SNX13: variants seen among roughly 807,000 people sequenced by gnomAD.
The protein encoded by SNX13 is sorting nexin-13.
Under a neutral mutation model 133.6 loss-of-function variants are expected in SNX13, and 45 were observed. The ratio of observed to expected loss-of-function variants is 0.34; its 90% CI spans 0.27 to 0.43. SNX13 has a LOEUF of 0.43. Among genes scored for constraint, SNX13 ranks in the 20% least tolerant of loss-of-function variants. The pLI is 1.00. For missense variants in SNX13, 1,032 were observed against 1,145.1 expected (o/e 0.90, Z 1.43); for synonymous variants, 414 against 373.9 (o/e 1.11, Z -1.24).
At chr7:17,904,843 C>T (rs572847970) in intron 1 of SNX13, among the ~76,000 whole-genome samples, 19 of 152,154 alleles carry the variant, frequency 1.2e-4, no homozygotes, top group Non-Finnish European at 2.2e-4. Flanking sequence ...ATAAGTTGAA[C>T]GTTCTTCTCC....
intron 12 of SNX13, among the ~76,000 whole-genome samples, chr7:17,845,054 T>C (rs1463430080): frequency 6.6e-6 from 1 of 152,000 alleles, no homozygotes; most frequent in Non-Finnish European, 1.5e-5. Flanking sequence ...TGTTTGCCAC[T>C]TCGTTTCAAC....
chr7:17,799,209 G>A, intron 22 of SNX13, 55 bp from the exon 23 acceptor site: 1 of 1,396,490 alleles, frequency 7.2e-7, no homozygotes, highest in Admixed American at 2.4e-5. Flanking sequence ...ACTATGAATT[G>A]TTACTTTTGT....
At chr7:17,803,333 G>C (rs867597405) in intron 21 of SNX13, 86 bp downstream of exon 21, 4 of 1,252,152 alleles carry the variant, frequency 3.2e-6, no homozygotes, top group Admixed American at 2.6e-5. Context: ...AAGGTTAAGG[G>C]ACTAAGGTAA....
intron 1 of SNX13, among the ~76,000 whole-genome samples, chr7:17,911,823 TAAG>T (rs1173846695): frequency 1.3e-5 from 2 of 151,944 alleles, no homozygotes; most frequent in Admixed American, 1.3e-4. Context: ...CAAAAATAAA[TAAG>T]TAGATTTTTT....
chr7:17,868,134 T>C (rs987098422), intron 9 of SNX13: 6 of 329,194 alleles, frequency 1.8e-5, no homozygotes, highest in Non-Finnish European at 3.3e-5. Context: ...TCATCATCTA[T>C]AGACACAGGT....
intron 12 of SNX13, among the ~76,000 whole-genome samples, chr7:17,844,073 T>C (rs575500081): frequency 9.9e-5 from 15 of 151,608 alleles, no homozygotes; most frequent in Admixed American, 6.6e-4. Flanking sequence ...CAGTAAAGAT[T>C]AGAGCAGAGA....
intron 18 of SNX13, among the ~76,000 whole-genome samples, chr7:17,816,676 C>T (rs1472711330): frequency 1.3e-5 from 2 of 151,884 alleles, no homozygotes; most frequent in Non-Finnish European, 2.9e-5. Flanking sequence ...AAAACAACAA[C>T]AACAACAACA....
At chr7:17,807,302 G>A (rs1376990970) in intron 20 of SNX13, among the ~76,000 whole-genome samples, 1 of 151,948 alleles carries the variant, frequency 6.6e-6, no homozygotes, top group Non-Finnish European at 1.5e-5. Flanking sequence ...GGGGGGAGGG[G>A]CCCCCACTAA....
intron 13 of SNX13, among the ~76,000 whole-genome samples, chr7:17,836,247 T>C (rs1789118181): frequency 6.6e-6 from 1 of 152,042 alleles, no homozygotes; most frequent in South Asian, 2.1e-4. Context: ...CCAGGCATGA[T>C]AGCTCATGCT....
intron 16 of SNX13, among the ~76,000 whole-genome samples, chr7:17,827,981 T>TTAA (rs1368470835): frequency 6.6e-6 from 1 of 151,768 alleles, no homozygotes; most frequent in Admixed American, 6.6e-5. Context: ...AAAAGCATTA[T>TTAA]TAATAATGGT....
chr7:17,857,840 G>T (rs1792112761), intron 9 of SNX13, among the ~76,000 whole-genome samples: 1 of 152,104 alleles, frequency 6.6e-6, no homozygotes. Flanking sequence ...GATTAAGTGG[G>T]TGGGATTCAT....
chr7:17,801,032 A>ATATATG (rs1554302653), intron 22 of SNX13, among the ~76,000 whole-genome samples: 1 of 19,858 alleles, frequency 5.0e-5, no homozygotes, highest in African/African-American at 1.5e-4. Context: ...ATATATATAT[A>ATATATG]TATATATATA....
Position 17,890,427 on chromosome 7 carries a change from C to T in SNX13, c.376G>A (p.Asp126Asn), listed in dbSNP as rs757888247. The T allele has an allele frequency of 3.2e-5, 52 of 1,610,654 alleles. No individual in the cohort carries two copies. In the Admixed American group the frequency reaches 3.8e-4, roughly 12 times the overall value. The change falls in exon 5 of 26, where the codon GAT becomes AAT. Residue 126 changes from aspartate (D) to asparagine (N), a missense_variant. Coordinates refer to ENST00000428135, the MANE Select transcript of SNX13 (RefSeq NM_015132.5). ...CTAATTTCAAGAAGAAAAGATTCAT[C>T]ATCGCTTAGTGTATAATACCAATAC... ...VQYWYYTLSD[D>N]ESFLLEIRQT...
At chr7:17,810,748 T>C (rs556242836) in intron 20 of SNX13, among the ~76,000 whole-genome samples, 1 of 152,030 alleles carries the variant, frequency 6.6e-6, no homozygotes, top group Non-Finnish European at 1.5e-5. Flanking sequence ...AATGTGAAAA[T>C]CCTCAATAAA....
At chr7:17,813,229 A>G (rs1786262618) in intron 20 of SNX13, among the ~76,000 whole-genome samples, 1 of 152,236 alleles carries the variant, frequency 6.6e-6, no homozygotes, top group African/African-American at 2.4e-5. Flanking sequence ...AAAAGCTGAT[A>G]TCAATTTATT....
intron 20 of SNX13, among the ~76,000 whole-genome samples, chr7:17,811,992 T>A (rs377393644): frequency 3.3e-5 from 5 of 152,106 alleles, no homozygotes; most frequent in African/African-American, 1.2e-4. Flanking sequence ...ATACAAAAAT[T>A]AACTCAACAT....
Position 17,834,773 on chromosome 7 carries a change from G to A in SNX13, c.1452C>T (p.Asp484=). 1.3e-6 allele frequency: 2 copies of A among 1,595,298 alleles called. No homozygotes were observed. The highest frequency in any genetic ancestry group is 1.7e-6 in the Non-Finnish European group (2 of 1,164,414). ...TACATAATAATACCTTTCTTTGAAT[G>A]TCATCAAAGATTTCAGGGGTTGGAT... ...HEDPTPEIFD[D]IQRKVYELML... Residue 484 remains aspartate (D), a synonymous_variant, in exon 14 of 26, where the codon GAC becomes GAT. Coordinates refer to ENST00000428135, the MANE Select transcript of SNX13 (RefSeq NM_015132.5).
chr7:17,916,896 C>G lies in SNX13; in HGVS notation c.13-19450G>C, dbSNP rs535174295. Among the ~76,000 whole-genome samples, 7 of 152,162 alleles carry G rather than the reference C, an allele frequency of 4.6e-5. No homozygotes were observed. In the East Asian group the frequency reaches 1.4e-3, roughly 29 times the overall value. On this transcript the variant is annotated intron_variant, in intron 1 of 25. Coordinates refer to ENST00000428135, the MANE Select transcript of SNX13 (RefSeq NM_015132.5). The stretch of plus-strand genomic sequence containing the variant: ...TATAGGCCAATATCCCTTATGAACA[C>G]AGATGCAAAAATCCTCAACAAAATA...
intron 8 of SNX13, among the ~76,000 whole-genome samples, chr7:17,871,256 T>C (rs931997047): frequency 1.3e-5 from 2 of 152,198 alleles, no homozygotes; most frequent in East Asian, 3.9e-4. Flanking sequence ...CCGCCCACCT[T>C]GGCCTCTCAA....
Sources: gnomAD v4.1 joint callset for allele counts (sites outside exome capture counted in the v4.1 genomes callset) on GRCh38, gnomAD v4.1.1 for gene constraint, MANE v1.5 for transcripts, NCBI Gene and HGNC (gene_info 2026-07-23, HGNC 2026-07-21) for gene names.